Variants in CELF2 observed in about 807,000 individuals in gnomAD.
The protein encoded by CELF2 is CUG triplet repeat RNA-binding protein 2.
In CELF2, 8 loss-of-function variants were observed where a neutral mutation model predicts 62.6. The observed-to-expected ratio is 0.13, with a 90% CI of 0.07 to 0.23. CELF2 has a LOEUF of 0.23. Among genes scored for constraint, CELF2 ranks in the 10% least tolerant of loss-of-function variants. The pLI, the probability that CELF2 is intolerant of heterozygous loss-of-function variation, is 1.00. For synonymous variants in CELF2, 258 were observed against 250.0 expected, an observed-to-expected ratio of 1.03 and a Z score of -0.30; for missense variants, 333 against 671.0, an observed-to-expected ratio of 0.50 and a Z score of 5.56.
At chr10:10,686,275 T>C in the CELF2 span, among the ~76,000 whole-genome samples, 1 of 136,328 alleles carries the variant, frequency 7.3e-6, no homozygotes, top group Non-Finnish European at 1.5e-5. Context: ...TGCTAAAATC[T>C]TTAATTTTCT....
At chr10:11,052,706 G>A (rs766914495) in intron 1 of CELF2, among the ~76,000 whole-genome samples, 3 of 152,136 alleles carry the variant, frequency 2.0e-5, no homozygotes, top group Non-Finnish European at 4.4e-5. Context: ...CCTTTACAAC[G>A]AAAGGTCTTT....
intron 8 of CELF2, among the ~76,000 whole-genome samples, chr10:11,287,326 T>C (rs1039886018): frequency 5.3e-5 from 8 of 152,060 alleles, no homozygotes; most frequent in African/African-American, 9.7e-5. Context: ...AAGTGAATCA[T>C]AGAAACATAA....
chr10:10,471,775 G>A, the CELF2 span, among the ~76,000 whole-genome samples: 3 of 151,488 alleles, frequency 2.0e-5, no homozygotes, highest in Non-Finnish European at 4.4e-5. Flanking sequence ...TCATTACTTG[G>A]AATGCTATCC....
intron 1 of CELF2, among the ~76,000 whole-genome samples, chr10:11,131,018 C>T (rs961413822): frequency 2.6e-4 from 40 of 152,304 alleles, no homozygotes; most frequent in African/African-American, 8.7e-4. Context: ...TTGTTACATA[C>T]GTTGTGGTTG....
chr10:10,547,228 A>G, the CELF2 span, among the ~76,000 whole-genome samples: 1 of 152,164 alleles, frequency 6.6e-6, no homozygotes, highest in Non-Finnish European at 1.5e-5. Context: ...ATCGAGAAAT[A>G]TCCATGACAA....
intron 2 of CELF2, among the ~76,000 whole-genome samples, chr10:10,980,791 CT>C (rs1215039426): frequency 6.6e-6 from 1 of 152,142 alleles, no homozygotes; most frequent in Non-Finnish European, 1.5e-5. Context: ...TTTATTCTTT[CT>C]TTTTTTCCTC....
At chr10:11,264,966 T>C (rs1040325728) in intron 5 of CELF2, among the ~76,000 whole-genome samples, 1 of 152,234 alleles carries the variant, frequency 6.6e-6, no homozygotes, top group African/African-American at 2.4e-5. Flanking sequence ...AGTTTTTGTG[T>C]GTTAAAAATT....
the CELF2 span, among the ~76,000 whole-genome samples, chr10:10,542,906 G>A: frequency 6.6e-6 from 1 of 152,150 alleles, no homozygotes; most frequent in Non-Finnish European, 1.5e-5. Context: ...CAGACTGTGG[G>A]CCAGAGTTTT....
rs900110417 is a variant in CELF2 at position 10,993,739 on chromosome 10, C to T, written c.89+73740C>T. Reference sequence around the variant, plus strand: ...GATGTTTTCAGAAAGCATTGGATATCGATATGGACTCAGCTGTGTTCTCCC... The same window carrying T: ...GATGTTTTCAGAAAGCATTGGATATTGATATGGACTCAGCTGTGTTCTCCC... On this transcript the variant is annotated intron_variant, in intron 2 of 13. Coordinates refer to the CELF2 transcript ENST00000636488. This position sits in a 1 kb window ranked among gnomAD's most constrained non-coding sequence, Gnocchi z 5.3. Among the ~76,000 whole-genome samples, 3 of 152,078 alleles carry T rather than the reference C, an allele frequency of 2.0e-5. No individual in the cohort carries two copies. The highest frequency in any genetic ancestry group is 6.6e-5 in the Admixed American group (1 of 15,248).
chr10:10,835,253 A>G (rs917735574), intron 1 of CELF2, among the ~76,000 whole-genome samples: 2 of 151,640 alleles, frequency 1.3e-5, no homozygotes, highest in Non-Finnish European at 2.9e-5. Context: ...TCGGCTAGTT[A>G]TTTTTTATTA....
chr10:11,279,736 A>T (rs1374254639), intron 8 of CELF2, among the ~76,000 whole-genome samples: 1 of 152,178 alleles, frequency 6.6e-6, no homozygotes, highest in East Asian at 1.9e-4. Context: ...CCTTCTCCTT[A>T]TAAATAATTT....
the CELF2 span, among the ~76,000 whole-genome samples, chr10:10,722,240 T>C: frequency 6.6e-6 from 1 of 152,110 alleles, no homozygotes; most frequent in Non-Finnish European, 1.5e-5. Context: ...AGTTGGATGC[T>C]GTAGTGAGCT....
chr10:10,998,938 T>C (rs1481866405), intron 2 of CELF2, among the ~76,000 whole-genome samples: 1 of 152,198 alleles, frequency 6.6e-6, no homozygotes, highest in Non-Finnish European at 1.5e-5. Flanking sequence ...TCCCAAACTT[T>C]AGCATTTATG....
At chr10:11,182,731 G>A (rs1236212493) in intron 2 of CELF2, among the ~76,000 whole-genome samples, 1 of 152,162 alleles carries the variant, frequency 6.6e-6, no homozygotes, top group African/African-American at 2.4e-5. Flanking sequence ...CATACAGCTT[G>A]TCCAAAACCA....
At chr10:11,060,727 C>T (rs180672283) in intron 1 of CELF2, among the ~76,000 whole-genome samples, 23 of 152,300 alleles carry the variant, frequency 1.5e-4, no homozygotes, top group African/African-American at 5.5e-4. Context: ...TTCCCAATAA[C>T]ATGTGCTCAG....
the CELF2 span, among the ~76,000 whole-genome samples, chr10:10,576,846 G>T: frequency 6.6e-6 from 1 of 152,144 alleles, no homozygotes; most frequent in East Asian, 1.9e-4. Flanking sequence ...TTACCAGTGT[G>T]TTGTTTAATT....
intron 1 of CELF2, among the ~76,000 whole-genome samples, chr10:11,127,375 C>T (rs899053259): frequency 6.6e-6 from 1 of 152,070 alleles, no homozygotes; most frequent in Non-Finnish European, 1.5e-5. Flanking sequence ...TGTCTTCATA[C>T]TAGCATGATT....
intron 1 of CELF2, among the ~76,000 whole-genome samples, chr10:11,092,637 G>A (rs1390648427): frequency 6.6e-6 from 1 of 152,198 alleles, no homozygotes; most frequent in African/African-American, 2.4e-5. Context: ...AGGCTTGTTT[G>A]TTCAAATTCT....
the CELF2 span, among the ~76,000 whole-genome samples, chr10:10,744,370 C>T: frequency 1.3e-5 from 2 of 152,320 alleles, no homozygotes; most frequent in East Asian, 1.9e-4. Context: ...CATAAATTAA[C>T]AGTAATGGTA....
Sources: allele counts gnomAD v4.1 joint callset (sites outside exome capture counted in the v4.1 genomes callset), GRCh38; gene constraint gnomAD v4.1.1; non-coding constraint Gnocchi (gnomAD v3.1); transcripts MANE v1.5; gene names NCBI Gene and HGNC (gene_info 2026-07-23, HGNC 2026-07-21).